The following WDCP variants were observed in gnomAD, a reference collection of about 807,000 sequenced individuals.
WDCP encodes WD repeat and coiled-coil-containing protein.
Under a neutral mutation model 41.6 loss-of-function variants are expected in WDCP, and 19 were observed. The observed-to-expected ratio is 0.46, with a 90% confidence interval of 0.32 to 0.67. WDCP has a LOEUF of 0.67. WDCP is among the 30% of genes least tolerant of loss of function. The probability of loss-of-function intolerance (pLI) is 0.04; values close to 1 mark genes in which losing one functional copy is unlikely to be tolerated. For synonymous variants in WDCP, 302 were observed against 320.8 expected (o/e 0.94, Z 0.63); for missense variants, 802 against 850.7 (o/e 0.94, Z 0.71).
rs1041990626 is a variant in WDCP at position 24,030,012 on chromosome 2, T to A, written c.*921A>T. Reference sequence around the variant, plus strand: ...TCCTGAAATACTTTCTCTCACAGATTCTCTGCTGGTCTCTAAGACTTAAAA... The same window carrying A: ...TCCTGAAATACTTTCTCTCACAGATACTCTGCTGGTCTCTAAGACTTAAAA... On this transcript the variant is annotated 3_prime_UTR_variant, in exon 4 of 4. Coordinates refer to ENST00000295148, the MANE Select transcript of WDCP (RefSeq NM_025203.3). 2.0e-5 allele frequency: 3 copies of A among 152,594 alleles called. No homozygotes were observed. Among genetic ancestry groups the A allele is most frequent in the Non-Finnish European group, 2.9e-5 (2 of 68,040 alleles). The allele number at this position is 152,594 out of a possible 1,614,324, so 9.5% of individuals were successfully genotyped here.
chr2:24,032,696 A>C (rs546643677), intron 3 of WDCP, 133 bp downstream of exon 3: 1 of 664,660 alleles, frequency 1.5e-6, no homozygotes, highest in Non-Finnish European at 2.7e-6. Context: ...TAATAATAAT[A>C]ATAGATTACT....
chr2:24,036,305 T>G (rs1218353820), intron 2 of WDCP, among the ~76,000 whole-genome samples: 1 of 150,942 alleles, frequency 6.6e-6, no homozygotes, highest in African/African-American at 2.4e-5. Flanking sequence ...CAGGAGGTCA[T>G]GATCAGCCTA....
At chr2:24,037,329 C>G (rs1415839021) in intron 2 of WDCP, among the ~76,000 whole-genome samples, 1 of 152,202 alleles carries the variant, frequency 6.6e-6, no homozygotes, top group African/African-American at 2.4e-5. Context: ...AGCAACATAA[C>G]CTTTTTTATA....
chr2:24,038,104 A>G lies in WDCP; in HGVS notation c.1391T>C (p.Ile464Thr). The change falls in exon 2 of 4, where the codon ATT becomes ACT. Residue 464 changes from isoleucine (I) to threonine (T), a missense_variant. By Grantham distance (89) the Ile-to-Thr change is moderately conservative. This residue lies in a region of WDCP where 321 missense variants were observed against 305.1 expected (regional missense o/e 1.05). Transcript: ENST00000295148. ...PLNKANRKKL[I>T]ESLSPDFCHQ... ...ACAAAAATCTGGGGAAAGACTTTCA[A>G]TTAACTTTTTTCTATTTGCTTTATT... 6.2e-7 allele frequency: 1 copy of G among 1,614,220 alleles called. No individual in the cohort carries two copies. Among genetic ancestry groups the G allele is most frequent in the East Asian group, 2.2e-5 (1 of 44,890 alleles).
chr2:24,042,700 A>C (rs895567767), intron 1 of WDCP, among the ~76,000 whole-genome samples: 4 of 146,414 alleles, frequency 2.7e-5, no homozygotes, highest in African/African-American at 1.0e-4. Context: ...CAAGAGTGAA[A>C]CTCTGTCTCA....
In WDCP at chr2:24,038,580, T is replaced by G. The variant is rs1025181876; in HGVS notation, c.915A>C (p.Lys305Asn). 6.2e-7 allele frequency: 1 copy of G among 1,613,982 alleles called. No individual in the cohort carries two copies. The highest frequency in any genetic ancestry group is 1.7e-5 in the Admixed American group (1 of 59,992). Residue 305 changes from lysine to asparagine, a missense_variant, in exon 2 of 4, where the codon AAA becomes AAC. Around this residue, in one of 5 missense-constraint regions of WDCP, gnomAD observed 247 missense variants for 240.5 expected, o/e 1.03. Coordinates refer to ENST00000295148, the MANE Select transcript of WDCP (RefSeq NM_025203.3). Reference protein sequence around the residue: ...SEGNSLICLRKKDYLTGTGQD... With the variant: ...SEGNSLICLRNKDYLTGTGQD... ...GGCCAGTTCCTGTCAAGTAGTCCTT[T>G]TTTCTTAGACAAATAAGAGAATTAC...
intron 1 of WDCP, among the ~76,000 whole-genome samples, chr2:24,045,600 CAAAAAAA>C (rs869243363): frequency 7.8e-5 from 5 of 64,412 alleles, no homozygotes; most frequent in Admixed American, 6.7e-4. Context: ...GACTCCATCT[CAAAAAAA>C]AAAAAAAAAA....
chr2:24,044,140 C>T (rs1432907899), intron 1 of WDCP, among the ~76,000 whole-genome samples: 1 of 152,312 alleles, frequency 6.6e-6, no homozygotes, highest in East Asian at 1.9e-4. Context: ...GGGCCAATTA[C>T]ATCCAAGTCG....
In WDCP at chr2:24,039,377, G is replaced by A. The variant is rs775465594; in HGVS notation, c.118C>T (p.Arg40Trp). ...AACTTGACCTCTCCACTGTGAAGCC[G>A]CAAATCAGTTAGGACAACTTGATTC... is the stretch of plus-strand genomic sequence containing the variant. ...DGNQVVLTDLRLHSGEVKFGD... is the reference protein window; with the variant it reads ...DGNQVVLTDLWLHSGEVKFGD... Residue 40 changes from arginine to tryptophan, a missense_variant, in exon 2 of 4, where the codon CGG (arginine) becomes TGG (tryptophan). Physicochemically the swap from Arg to Trp is moderately radical, Grantham distance 101. This residue lies in a region of WDCP where 214 missense variants were observed against 252.9 expected (regional missense o/e 0.85). Transcript: ENST00000295148. The A allele has an allele frequency of 5.6e-5, 90 of 1,614,116 alleles. No homozygotes were observed. The East Asian group carries it at 1.1e-3, about 19-fold the overall frequency.
chr2:24,035,333 G>A (rs1418778696), intron 2 of WDCP, among the ~76,000 whole-genome samples: 2 of 130,134 alleles, frequency 1.5e-5, no homozygotes, highest in Non-Finnish European at 3.4e-5. Context: ...TGTAACAAAA[G>A]GGGAAATAAA....
chr2:24,039,809 T>C (rs557333896), intron 1 of WDCP, among the ~76,000 whole-genome samples: 1 of 152,292 alleles, frequency 6.6e-6, no homozygotes, highest in East Asian at 1.9e-4. Flanking sequence ...TCTTCTTTTT[T>C]TTTTTGAGAC....
chr2:24,041,429 A>C (rs1663427565), intron 1 of WDCP, among the ~76,000 whole-genome samples: 2 of 152,094 alleles, frequency 1.3e-5, no homozygotes, highest in South Asian at 4.1e-4. Context: ...TGATAAAAGC[A>C]TCATTAACAA....
At chr2:24,032,240 G>A (rs1663117263) in intron 3 of WDCP, among the ~76,000 whole-genome samples, 1 of 152,148 alleles carries the variant, frequency 6.6e-6, no homozygotes, top group South Asian at 2.1e-4. Context: ...GCTGAGGCTG[G>A]GTGCAGTGGC....
At chr2:24,045,599 T>A (rs1663587603) in intron 1 of WDCP, among the ~76,000 whole-genome samples, 2 of 35,756 alleles carry the variant, frequency 5.6e-5, no homozygotes, top group Admixed American at 3.9e-4. Flanking sequence ...AGACTCCATC[T>A]CAAAAAAAAA....
At position 24,032,906 on chromosome 2, in the gene WDCP, A is replaced by G; in HGVS notation, c.1859T>C (p.Val620Ala). 1 of 1,613,850 alleles carries G rather than the reference A, an allele frequency of 6.2e-7. No individual in the cohort carries two copies. The highest frequency in any genetic ancestry group is 8.5e-7 in the Non-Finnish European group (1 of 1,179,740). ...CCTTAGTTTACCATCACAGAGAAGC[A>G]CCGCTCTTTTTTCAACAACAGGACC... ...YLGPVVEKRA[V>A]LLCDGKLRLS... Residue 620 changes from valine (V) to alanine (A), a missense_variant, in exon 3 of 4, where the codon GTG (valine) becomes GCG (alanine). By Grantham distance (64) the Val-to-Ala change is moderately conservative. Around this residue, in one of 5 missense-constraint regions of WDCP, gnomAD observed 321 missense variants for 305.1 expected, o/e 1.05. Coordinates refer to ENST00000295148, the MANE Select transcript of WDCP (RefSeq NM_025203.3).
chr2:24,031,186 G>A (rs1663086803), intron 3 of WDCP, 24 bp from the exon 4 acceptor site: 4 of 1,541,424 alleles, frequency 2.6e-6, no homozygotes, highest in Non-Finnish European at 3.6e-6. Flanking sequence ...TAAATACACA[G>A]GCAATTTAGT....
At chr2:24,034,915 T>C (rs1663198562) in intron 2 of WDCP, among the ~76,000 whole-genome samples, 1 of 151,942 alleles carries the variant, frequency 6.6e-6, no homozygotes, top group Non-Finnish European at 1.5e-5. Context: ...AAATATAAAA[T>C]TTTACATTTA....
chr2:24,036,852 G>A (rs897739242), intron 2 of WDCP, among the ~76,000 whole-genome samples: 3 of 152,184 alleles, frequency 2.0e-5, no homozygotes, highest in Non-Finnish European at 2.9e-5. Context: ...AGAAAGTCAC[G>A]AAAGGATCCA....
chr2:24,032,877 T>C lies in WDCP; in HGVS notation c.1888A>G (p.Ser630Gly). ...VLLCDGKLRLSTVQQTFGLSL... is the reference protein window; with the variant it reads ...VLLCDGKLRLGTVQQTFGLSL... Reference sequence around the variant, plus strand: ...AGGCCAAAAGTCTGCTGAACTGTACTGAGCCTTAGTTTACCATCACAGAGA... The same window carrying C: ...AGGCCAAAAGTCTGCTGAACTGTACCGAGCCTTAGTTTACCATCACAGAGA... The change falls in exon 3 of 4, where the codon AGT (serine) becomes GGT (glycine). Residue 630 changes from serine to glycine, a missense_variant. Coordinates refer to ENST00000295148, the MANE Select transcript of WDCP (RefSeq NM_025203.3). 6.2e-7 allele frequency: 1 copy of C among 1,613,998 alleles called. No homozygotes were observed.
Sources: allele counts gnomAD v4.1 joint callset (sites outside exome capture counted in the v4.1 genomes callset), GRCh38; gene constraint gnomAD v4.1.1; regional missense constraint gnomAD v4.1.1; transcripts MANE v1.5; gene names NCBI Gene and HGNC (gene_info 2026-07-23, HGNC 2026-07-21).